Variants in DACH1 observed in about 807,000 individuals in gnomAD.
DACH1 encodes dachshund homolog 1.
A neutral mutation model predicts 54.2 loss-of-function variants in DACH1; 12 were observed. That is an observed-to-expected ratio of 0.22 (90% CI 0.14 to 0.36). DACH1 has a LOEUF of 0.36. Ranked by LOEUF, DACH1 falls within the 10% of genes least tolerant of loss-of-function variation. DACH1 has a pLI of 1.00. For synonymous variants in DACH1, 386 were observed against 366.2 expected (o/e 1.05, Z -0.62); for missense variants, 805 against 929.8 (o/e 0.87, Z 1.75).
intron 6 of DACH1, among the ~76,000 whole-genome samples, chr13:71,525,147 G>T (rs903918758): frequency 2.0e-5 from 3 of 152,022 alleles, no homozygotes; most frequent in Non-Finnish European, 2.9e-5. Context: ...TATTCTCAAG[G>T]CCAGGGAAGA....
chr13:71,607,147 T>C (rs185873787), intron 3 of DACH1, among the ~76,000 whole-genome samples: 138 of 152,134 alleles, frequency 9.1e-4, no homozygotes, highest in Middle Eastern at 3.4e-3. Flanking sequence ...TTACAGGATA[T>C]AATTGCACTT....
intron 1 of DACH1, among the ~76,000 whole-genome samples, chr13:71,863,195 T>C (rs956178780): frequency 2.6e-5 from 4 of 152,282 alleles, no homozygotes; most frequent in South Asian, 2.1e-4. Context: ...ATAATGCTTA[T>C]AATAATCATT....
chr13:71,789,351 T>A (rs1167119977), intron 1 of DACH1, among the ~76,000 whole-genome samples: 1 of 152,104 alleles, frequency 6.6e-6, no homozygotes, highest in Non-Finnish European at 1.5e-5. Flanking sequence ...AGACACCCTA[T>A]GTTATGCATA....
At chr13:71,742,101 CA>C in intron 1 of DACH1, among the ~76,000 whole-genome samples, 1 of 152,296 alleles carries the variant, frequency 6.6e-6, no homozygotes, top group Non-Finnish European at 1.5e-5. Context: ...ATAGGTTTAT[CA>C]GGGGTTTCCG....
At chr13:71,711,087 G>A (rs1882701903) in intron 1 of DACH1, among the ~76,000 whole-genome samples, 1 of 152,044 alleles carries the variant, frequency 6.6e-6, no homozygotes, top group South Asian at 2.1e-4. Context: ...TTGAAGTTAA[G>A]CAATACACGT....
At chr13:71,566,049 A>G (rs1178930174) in intron 4 of DACH1, among the ~76,000 whole-genome samples, 1 of 152,180 alleles carries the variant, frequency 6.6e-6, no homozygotes. Context: ...ACAGCAAGGA[A>G]AAAAAGGTAA....
At chr13:71,606,204 ATATTT>A (rs1874870422) in intron 3 of DACH1, among the ~76,000 whole-genome samples, 1 of 152,164 alleles carries the variant, frequency 6.6e-6, no homozygotes, top group Non-Finnish European at 1.5e-5. Context: ...CTATTTACAA[ATATTT>A]TATATAGAGA....
intron 4 of DACH1, among the ~76,000 whole-genome samples, chr13:71,564,458 G>A (rs1884782870): frequency 6.7e-6 from 1 of 148,358 alleles, no homozygotes. Context: ...AATTTAAGAG[G>A]AGCACTCTTT....
chr13:71,739,713 G>C (rs1884302356), intron 1 of DACH1, among the ~76,000 whole-genome samples: 1 of 152,118 alleles, frequency 6.6e-6, no homozygotes, highest in African/African-American at 2.4e-5. Flanking sequence ...TGACTGCTAA[G>C]TTTGGTTAGC....
At chr13:71,464,632 A>G in intron 10 of DACH1, 1 of 446,224 alleles carries the variant, frequency 2.2e-6, no homozygotes, top group African/African-American at 2.0e-5. Context: ...TATTTTATGA[A>G]GACAATTAAG....
At chr13:71,642,190 T>C (rs1877959420) in intron 2 of DACH1, among the ~76,000 whole-genome samples, 1 of 152,218 alleles carries the variant, frequency 6.6e-6, no homozygotes, top group African/African-American at 2.4e-5. Flanking sequence ...ATTTATACCG[T>C]ACCATGAGAT....
intron 1 of DACH1, among the ~76,000 whole-genome samples, chr13:71,798,325 TA>T (rs967074649): frequency 1.9e-3 from 18 of 9,576 alleles, no homozygotes; most frequent in South Asian, 0.013. Context: ...GTTACATACA[TA>T]TATATATATA....
intron 3 of DACH1, among the ~76,000 whole-genome samples, chr13:71,630,342 T>C (rs1035039577): frequency 6.6e-6 from 1 of 152,204 alleles, no homozygotes; most frequent in Non-Finnish European, 1.5e-5. Flanking sequence ...AAGTTGATCC[T>C]ATAATTAAAA....
intron 6 of DACH1, 93 bp from the exon 7 acceptor site, chr13:71,489,241 T>C: frequency 7.2e-7 from 1 of 1,388,682 alleles, no homozygotes; most frequent in Non-Finnish European, 9.7e-7. Flanking sequence ...TTCCAGAACA[T>C]TTATTGCAAA....
At chr13:71,531,136 A>G (rs1882387668) in intron 6 of DACH1, among the ~76,000 whole-genome samples, 1 of 152,176 alleles carries the variant, frequency 6.6e-6, no homozygotes, top group African/African-American at 2.4e-5. Context: ...AATTCTGTCA[A>G]TATGAACATT....
At chr13:71,550,784 C>T (rs1883761678) in intron 6 of DACH1, among the ~76,000 whole-genome samples, 1 of 152,022 alleles carries the variant, frequency 6.6e-6, no homozygotes. Context: ...AATCACAGAA[C>T]TAAAAGTGAT....
intron 1 of DACH1, among the ~76,000 whole-genome samples, chr13:71,770,346 G>T (rs963581499): frequency 6.6e-6 from 1 of 151,354 alleles, no homozygotes; most frequent in Non-Finnish European, 1.5e-5. Context: ...GTAAGTTAAC[G>T]GTATTTAAAA....
intron 3 of DACH1, among the ~76,000 whole-genome samples, chr13:71,620,968 A>T (rs1876190660): frequency 6.6e-6 from 1 of 152,022 alleles, no homozygotes; most frequent in Non-Finnish European, 1.5e-5. Context: ...TGATAAAAAG[A>T]CTTAAATATG....
intron 4 of DACH1, among the ~76,000 whole-genome samples, chr13:71,562,646 T>C (rs185757842): frequency 1.3e-5 from 2 of 152,212 alleles, no homozygotes; most frequent in East Asian, 3.9e-4. Flanking sequence ...ATGAAGCATG[T>C]ATGCTTCTAA....
Sources: gnomAD v4.1 joint callset for allele counts (sites outside exome capture counted in the v4.1 genomes callset) on GRCh38, gnomAD v4.1.1 for gene constraint, MANE v1.5 for transcripts, NCBI Gene and HGNC (gene_info 2026-07-23, HGNC 2026-07-21) for gene names.